Variants in ATP10B observed in about 807,000 individuals in gnomAD.
ATP10B encodes phospholipid-transporting ATPase VB.
ATP10B carries 122 observed loss-of-function variants against 141.2 expected under a neutral mutation model. That is an observed-to-expected ratio of 0.86 (90% CI 0.75 to 1.00). The LOEUF is 1.00. Among genes scored for constraint, ATP10B ranks in the 50% least tolerant of loss-of-function variants. The pLI, the probability that ATP10B is intolerant of heterozygous loss-of-function variation, is 0.00. For missense variants in ATP10B, 1,876 were observed against 1,825.3 expected (o/e 1.03, Z -0.51); for synonymous variants, 685 against 692.0 (o/e 0.99, Z 0.16).
At chr5:160,793,652 C>A (rs1045038855) in intron 1 of ATP10B, among the ~76,000 whole-genome samples, 2 of 152,086 alleles carry the variant, frequency 1.3e-5, no homozygotes, top group African/African-American at 4.8e-5. Context: ...CTTAGTGTAG[C>A]CTAAGTGTAT....
At chr5:160,847,409 T>G (rs545245704) in intron 1 of ATP10B, among the ~76,000 whole-genome samples, 39 of 152,332 alleles carry the variant, frequency 2.6e-4, no homozygotes, top group African/African-American at 8.7e-4. Context: ...CTTCTGATTT[T>G]ATAACAGTAC....
chr5:160,641,434 G>A (rs1351635785), intron 9 of ATP10B, among the ~76,000 whole-genome samples: 1 of 152,200 alleles, frequency 6.6e-6, no homozygotes, highest in Non-Finnish European at 1.5e-5. Context: ...TACAATTTTG[G>A]TTAAAGAAAG....
In ATP10B at chr5:160,615,777, A is replaced by G. The variant is rs549901166; in HGVS notation, c.2653+61T>C. On this transcript the variant is annotated intron_variant, in intron 17 of 25. Transcript: ENST00000327245. ...TAGTAGTGTCAGAATCGGGGCCAAGAGCTCCCTTCTCAACTGGCTGCATTC... is the reference window on the plus strand; with the variant it reads ...TAGTAGTGTCAGAATCGGGGCCAAGGGCTCCCTTCTCAACTGGCTGCATTC... The G allele has an allele frequency of 1.3e-5, 21 of 1,583,016 alleles. No individual in the cohort carries two copies. The African/African-American group carries it at 2.2e-4, about 16-fold the overall frequency.
chr5:160,635,054 G>A (rs549901828), intron 11 of ATP10B, among the ~76,000 whole-genome samples: 10 of 152,336 alleles, frequency 6.6e-5, no homozygotes, highest in South Asian at 2.1e-4. Context: ...TTAACAGAAC[G>A]TAATTCCTGG....
chr5:160,644,375 G>A (rs1453668276), intron 8 of ATP10B, 131 bp from the exon 9 acceptor site: 1 of 673,414 alleles, frequency 1.5e-6, no homozygotes, highest in Non-Finnish European at 2.7e-6. Context: ...AAGAGTGATG[G>A]TAGCTGAGAA....
At chr5:160,720,269 C>T (rs1425194693) in intron 2 of ATP10B, among the ~76,000 whole-genome samples, 2 of 152,092 alleles carry the variant, frequency 1.3e-5, no homozygotes, top group African/African-American at 4.8e-5. Context: ...GGGAAAATAA[C>T]CTCCAAAATA....
At chr5:160,907,502 G>GGT in the ATP10B span, among the ~76,000 whole-genome samples, 11 of 151,954 alleles carry the variant, frequency 7.2e-5, no homozygotes, top group African/African-American at 2.4e-4. Flanking sequence ...TGGGACTACA[G>GGT]GTGTGTGTGA....
chr5:160,579,354 A>T (rs1755402073), intron 24 of ATP10B, among the ~76,000 whole-genome samples: 1 of 152,180 alleles, frequency 6.6e-6, no homozygotes, highest in Non-Finnish European at 1.5e-5. Flanking sequence ...TATAAGGTGT[A>T]AGGAAGGGGT....
the ATP10B span, among the ~76,000 whole-genome samples, chr5:160,864,571 C>T: frequency 6.6e-6 from 1 of 150,956 alleles, no homozygotes; most frequent in Non-Finnish European, 1.5e-5. Context: ...AAGTTCTAGA[C>T]AGAGCAATCA....
chr5:160,749,724 C>A (rs1186156646), intron 2 of ATP10B, among the ~76,000 whole-genome samples: 1 of 152,104 alleles, frequency 6.6e-6, no homozygotes, highest in Non-Finnish European at 1.5e-5. Flanking sequence ...AGCTGTGGAC[C>A]ACTAGAAGAT....
the ATP10B span, among the ~76,000 whole-genome samples, chr5:160,927,917 G>A: frequency 3.9e-5 from 6 of 152,202 alleles, no homozygotes; most frequent in East Asian, 1.9e-4. Context: ...CCTTTGAGCC[G>A]AAACCTGATT....
Position 160,606,940 on chromosome 5 carries a change from T to C in ATP10B, c.2985A>G (p.Gly995=). 1.2e-6 allele frequency: 2 copies of C among 1,614,152 alleles called. No individual in the cohort carries two copies. Among genetic ancestry groups the C allele is most frequent in the Non-Finnish European group, 1.7e-6 (2 of 1,180,010 alleles). The change falls in exon 19 of 26, where the codon GGA becomes GGG. Residue 995 remains glycine, a synonymous_variant. Transcript: ENST00000327245. ...TCAATGTCTTCCCATCGATGACCAA[T>C]CCAGCTTCTGGAACCACAGCTTCTG... ...ITSEAVVPEA[G]LVIDGKTLNA... is the part of the protein sequence containing the mutation.
the ATP10B span, among the ~76,000 whole-genome samples, chr5:160,878,439 A>C: frequency 6.6e-6 from 1 of 152,164 alleles, no homozygotes; most frequent in Non-Finnish European, 1.5e-5. Flanking sequence ...CCTAGAAGAA[A>C]ACCTAGGCAT....
In ATP10B at chr5:160,787,124, A is replaced by ACACACAC. The variant is rs1554116294; in HGVS notation, c.-575-1328_-575-1322dup. 4.7e-4 allele frequency among the ~76,000 whole-genome samples: 70 copies of ACACACAC among 148,404 alleles called. 1 individual carries two copies. The Middle Eastern group carries it at 0.014, about 29-fold the overall frequency. On this transcript the variant is annotated intron_variant, in intron 1 of 25. Coordinates refer to ENST00000327245, the MANE Select transcript of ATP10B (RefSeq NM_025153.3). ...GACACAGACACACACACACACACAC[A>ACACACAC]CACACACACACACACACACACACAC...
At position 160,650,187 on chromosome 5, in the gene ATP10B, C is replaced by T. The variant is rs142636404; in HGVS notation, c.676-931G>A. On this transcript the variant is annotated intron_variant, in intron 7 of 25. Coordinates refer to ENST00000327245, the MANE Select transcript of ATP10B (RefSeq NM_025153.3). ...ATATATATACATACATATATATATACATGTACACACACACATACACACATA... is the reference window on the plus strand; with the variant it reads ...ATATATATACATACATATATATATATATGTACACACACACATACACACATA... 1.2e-3 allele frequency among the ~76,000 whole-genome samples: 180 copies of T among 150,596 alleles called. 2 individuals are homozygous for T. The highest frequency in any genetic ancestry group is 2.2e-3 in the Non-Finnish European group (151 of 67,770).
At chr5:160,629,373 AAGC>A (rs1027458890) in intron 13 of ATP10B, among the ~76,000 whole-genome samples, 22 of 152,314 alleles carry the variant, frequency 1.4e-4, no homozygotes, top group African/African-American at 5.1e-4. Context: ...AATGCCTCCC[AAGC>A]TGTAGAAAGT....
chr5:160,691,149 T>C (rs1399756807), intron 3 of ATP10B, among the ~76,000 whole-genome samples: 1 of 152,080 alleles, frequency 6.6e-6, no homozygotes, highest in Non-Finnish European at 1.5e-5. Context: ...AATTGGGAGT[T>C]GCACTATGAG....
At chr5:160,813,591 T>G (rs1210691904) in intron 1 of ATP10B, among the ~76,000 whole-genome samples, 1 of 152,194 alleles carries the variant, frequency 6.6e-6, no homozygotes. Context: ...AGCAGAATCC[T>G]CTGCAGACTT....
chr5:160,663,042 T>C (rs1762053878), intron 7 of ATP10B, among the ~76,000 whole-genome samples: 1 of 152,214 alleles, frequency 6.6e-6, no homozygotes, highest in Admixed American at 6.5e-5. Flanking sequence ...GAAAAAATGC[T>C]CATCATCAGT....
Sources: gnomAD v4.1 joint callset for allele counts (sites outside exome capture counted in the v4.1 genomes callset) on GRCh38, gnomAD v4.1.1 for gene constraint, MANE v1.5 for transcripts, NCBI Gene and HGNC (gene_info 2026-07-23, HGNC 2026-07-21) for gene names.